The following PCCA variants were observed in gnomAD, a reference collection of about 807,000 sequenced individuals.
PCCA encodes the protein propionyl-CoA carboxylase subunit alpha.
Under a neutral mutation model 101.3 loss-of-function variants are expected in PCCA, and 74 were observed. The observed-to-expected ratio is 0.73, with a 90% CI of 0.61 to 0.89. The LOEUF (loss-of-function observed/expected upper bound fraction) is 0.89, where lower values mean the gene tolerates loss of function less well. PCCA is among the 40% of genes least tolerant of loss of function. PCCA has a pLI of 0.00. For synonymous variants in PCCA, 294 were observed against 313.6 expected (o/e 0.94, Z 0.66); for missense variants, 891 against 907.0 (o/e 0.98, Z 0.23).
At chr13:100,159,703 A>T (rs147481972) in intron 6 of PCCA, among the ~76,000 whole-genome samples, 1 of 151,982 alleles carries the variant, frequency 6.6e-6, no homozygotes, top group Non-Finnish European at 1.5e-5. Flanking sequence ...TTCCAAACCT[A>T]TTTCCCCATT....
At chr13:100,230,478 A>C (rs1001625090) in intron 7 of PCCA, among the ~76,000 whole-genome samples, 2 of 151,496 alleles carry the variant, frequency 1.3e-5, no homozygotes, top group Non-Finnish European at 2.9e-5. Flanking sequence ...CCAGGAGGCA[A>C]AGGTTGCAGT....
chr13:100,352,344 G>A (rs1032605379), intron 18 of PCCA, among the ~76,000 whole-genome samples: 8 of 151,176 alleles, frequency 5.3e-5, no homozygotes, highest in East Asian at 3.9e-4. Context: ...CATTGTATTC[G>A]TAATATTATT....
rs1290165762 is a variant in PCCA at position 100,209,450 on chromosome 13, A to AT, written c.588dup (p.Gly197TrpfsTer39). The AT allele has an allele frequency of 6.2e-7, 1 of 1,613,030 alleles. No homozygotes were observed. Among genetic ancestry groups the AT allele is most frequent in the Non-Finnish European group, 8.5e-7 (1 of 1,179,130 alleles). On this transcript the variant is annotated frameshift_variant, in exon 7 of 24. Transcript: ENST00000376285. LOFTEE classifies it high-confidence loss of function. ...GAGGTTAATACAATCCCTGGCTTTG[A>AT]TGGAGTAGTCAAGGTGAGAAGCTAC...
intron 16 of PCCA, among the ~76,000 whole-genome samples, chr13:100,313,448 G>A (rs146619808): frequency 2.2e-3 from 335 of 152,308 alleles, no homozygotes; most frequent in African/African-American, 7.8e-3. Context: ...GGTGGGCAGG[G>A]GGCCAGGGAG....
chr13:100,197,961 C>T (rs1333614966), intron 6 of PCCA, among the ~76,000 whole-genome samples: 1 of 152,118 alleles, frequency 6.6e-6, no homozygotes, highest in Admixed American at 6.5e-5. Context: ...CAGAAATGGC[C>T]TTGTTGGAAA....
At position 100,108,984 on chromosome 13, in the gene PCCA, G is replaced by A. The variant is rs1353055533; in HGVS notation, c.184-2857G>A. Among the ~76,000 whole-genome samples, 4 of 152,274 alleles carry A rather than the reference G, an allele frequency of 2.6e-5. No individual in the cohort carries two copies. The South Asian group carries it at 8.3e-4, about 32-fold the overall frequency. Reference sequence around the variant, plus strand: ...TTTATTGGGTTTTATGCGCTAATTGGTAATACATTAATAGCCCTTAACAGA... The same window carrying A: ...TTTATTGGGTTTTATGCGCTAATTGATAATACATTAATAGCCCTTAACAGA... On this transcript the variant is annotated intron_variant, in intron 2 of 23. Transcript: ENST00000376285.
At chr13:100,258,026 C>T (rs2062195392) in intron 9 of PCCA, among the ~76,000 whole-genome samples, 1 of 152,222 alleles carries the variant, frequency 6.6e-6, no homozygotes, top group Admixed American at 6.5e-5. Flanking sequence ...TTTAAATCAA[C>T]TATATTTAAA....
chr13:100,478,790 T>C (rs1414580654), intron 21 of PCCA, among the ~76,000 whole-genome samples: 1 of 152,210 alleles, frequency 6.6e-6, no homozygotes, highest in African/African-American at 2.4e-5. Context: ...TAGCATGCCT[T>C]TCTGGATAAG....
At chr13:100,305,501 A>C (rs1430525785) in intron 14 of PCCA, among the ~76,000 whole-genome samples, 1 of 152,226 alleles carries the variant, frequency 6.6e-6, no homozygotes, top group Non-Finnish European at 1.5e-5. Flanking sequence ...TAAAGTCAGA[A>C]GTTTTAGAAC....
chr13:100,167,661 C>A (rs185096412), intron 6 of PCCA, among the ~76,000 whole-genome samples: 1 of 152,088 alleles, frequency 6.6e-6, no homozygotes, highest in African/African-American at 2.4e-5. Flanking sequence ...AGTTTTAGAT[C>A]TCTGATCAAT....
intron 20 of PCCA, among the ~76,000 whole-genome samples, chr13:100,445,400 T>C (rs970018706): frequency 2.6e-5 from 4 of 152,148 alleles, no homozygotes; most frequent in African/African-American, 9.7e-5. Context: ...AATTAACATA[T>C]ATGTATTACC....
intron 1 of PCCA, among the ~76,000 whole-genome samples, chr13:100,093,043 A>T (rs976701466): frequency 5.9e-5 from 9 of 152,244 alleles, no homozygotes; most frequent in Non-Finnish European, 1.2e-4. Flanking sequence ...GACATTTTTG[A>T]TGAAGAGTGA....
chr13:100,237,935 C>CTTTTTTTTTTTT (rs1167146448), intron 8 of PCCA, among the ~76,000 whole-genome samples: 2 of 131,082 alleles, frequency 1.5e-5, no homozygotes, highest in Non-Finnish European at 1.6e-5. Context: ...TTCTTTCTTT[C>CTTTTTTTTTTTT]TTTCTTTTTT....
At chr13:100,110,672 C>T (rs913555978) in intron 2 of PCCA, among the ~76,000 whole-genome samples, 1 of 152,110 alleles carries the variant, frequency 6.6e-6, no homozygotes, top group Non-Finnish European at 1.5e-5. Context: ...ATGCCCTGTC[C>T]CAACAGAGAT....
intron 20 of PCCA, among the ~76,000 whole-genome samples, chr13:100,430,753 T>C (rs575243108): frequency 6.6e-6 from 1 of 152,330 alleles, no homozygotes; most frequent in Non-Finnish European, 1.5e-5. Flanking sequence ...AGCCATGCTG[T>C]GGGGCCTGTG....
intron 7 of PCCA, among the ~76,000 whole-genome samples, chr13:100,215,527 C>A (rs1489682170): frequency 6.6e-6 from 1 of 152,158 alleles, no homozygotes; most frequent in Non-Finnish European, 1.5e-5. Flanking sequence ...CCAAGACCTA[C>A]CCCCTCAGAT....
chr13:100,370,194 C>T (rs2075488220), intron 19 of PCCA, among the ~76,000 whole-genome samples: 1 of 145,536 alleles, frequency 6.9e-6, no homozygotes, highest in Non-Finnish European at 1.5e-5. Context: ...AGTGATTTCT[C>T]CTGCCTCAGC....
At chr13:100,416,542 A>AT (rs560092899) in intron 19 of PCCA, among the ~76,000 whole-genome samples, 222 of 126,540 alleles carry the variant, frequency 1.8e-3, no homozygotes, top group Middle Eastern at 5.3e-3. Flanking sequence ...GTGTGTATGT[A>AT]TTTTTTTTTT....
At chr13:100,527,088 A>G (rs1050351325) in intron 22 of PCCA, among the ~76,000 whole-genome samples, 24 of 150,740 alleles carry the variant, frequency 1.6e-4, no homozygotes, top group African/African-American at 5.4e-4. Context: ...AGAAATATGT[A>G]TATTTGGTGG....
Sources: allele counts gnomAD v4.1 joint callset (sites outside exome capture counted in the v4.1 genomes callset), GRCh38; gene constraint gnomAD v4.1.1; transcripts MANE v1.5; gene names NCBI Gene and HGNC (gene_info 2026-07-23, HGNC 2026-07-21).